The following AIG1 variants were observed in gnomAD, a reference collection of about 807,000 sequenced individuals.
AIG1 encodes the protein androgen induced 1.
A neutral mutation model predicts 31.4 loss-of-function variants in AIG1; 23 were observed. The observed-to-expected ratio is 0.73, with a 90% CI of 0.53 to 1.04. The LOEUF (loss-of-function observed/expected upper bound fraction) is 1.04, where lower values mean the gene tolerates loss of function less well. Among genes scored for constraint, AIG1 ranks in the 50% least tolerant of loss-of-function variants. AIG1 has a pLI of 0.00. For synonymous variants in AIG1, 100 were observed against 110.5 expected (o/e 0.90, Z 0.60); for missense variants, 274 against 295.0 (o/e 0.93, Z 0.52).
At chr6:143,156,585 T>G (rs1785783639) in intron 2 of AIG1, among the ~76,000 whole-genome samples, 1 of 152,244 alleles carries the variant, frequency 6.6e-6, no homozygotes, top group Non-Finnish European at 1.5e-5. Flanking sequence ...TCTGTTGCAC[T>G]TCTACGTGAA....
At chr6:143,281,698 A>G (rs181507607) in intron 3 of AIG1, among the ~76,000 whole-genome samples, 194 of 152,308 alleles carry the variant, frequency 1.3e-3, no homozygotes, top group Non-Finnish European at 2.1e-3. Context: ...TATGTTTGTT[A>G]ATACGTACTA....
intron 2 of AIG1, among the ~76,000 whole-genome samples, chr6:143,153,349 T>A (rs151237217): frequency 1.4e-3 from 212 of 146,580 alleles, no homozygotes; most frequent in Non-Finnish European, 2.4e-3. Context: ...TTATTAATGC[T>A]TTTTATTTTT....
intron 4 of AIG1, among the ~76,000 whole-genome samples, chr6:143,319,115 C>T (rs1334651328): frequency 6.6e-6 from 1 of 152,058 alleles, no homozygotes; most frequent in Non-Finnish European, 1.5e-5. Context: ...TCCAGCAGTC[C>T]CACTACTGGG....
chr6:143,156,478 A>G (rs1785773025), intron 2 of AIG1, among the ~76,000 whole-genome samples: 1 of 152,240 alleles, frequency 6.6e-6, no homozygotes, highest in Non-Finnish European at 1.5e-5. Context: ...GGCAATAAAG[A>G]TCTTTGCAGG....
At chr6:143,312,163 C>A (rs1020281826) in intron 4 of AIG1, among the ~76,000 whole-genome samples, 7 of 151,794 alleles carry the variant, frequency 4.6e-5, no homozygotes, top group African/African-American at 1.7e-4. Flanking sequence ...CAATTCAATC[C>A]CTATCAAAAT....
chr6:143,189,165 C>A (rs1243749669), intron 3 of AIG1: 1 of 500,718 alleles, frequency 2.0e-6, no homozygotes, highest in Admixed American at 6.4e-5. Context: ...TGCCTCAGCC[C>A]CCCAAGTAGC....
chr6:143,236,377 G>A (rs959391152), intron 3 of AIG1, among the ~76,000 whole-genome samples: 1 of 152,232 alleles, frequency 6.6e-6, no homozygotes, highest in African/African-American at 2.4e-5. Flanking sequence ...TCGTTGTTCT[G>A]GAGTCAGGAG....
intron 2 of AIG1, among the ~76,000 whole-genome samples, chr6:143,149,345 T>C (rs1180305693): frequency 6.6e-6 from 1 of 151,674 alleles, no homozygotes; most frequent in African/African-American, 2.4e-5. Context: ...GCTAACATGG[T>C]GAAACCCCGT....
At chr6:143,310,123 A>T (rs1775144761) in intron 4 of AIG1, among the ~76,000 whole-genome samples, 1 of 151,968 alleles carries the variant, frequency 6.6e-6, no homozygotes, top group South Asian at 2.1e-4. Context: ...AGTTGACCTG[A>T]ACAACCATCA....
intron 1 of AIG1, among the ~76,000 whole-genome samples, chr6:143,068,737 G>T (rs544822720): frequency 1.3e-5 from 2 of 151,100 alleles, no homozygotes; most frequent in Non-Finnish European, 2.9e-5. Flanking sequence ...TAGTGCTTCA[G>T]GATGGTATTT....
intron 1 of AIG1, among the ~76,000 whole-genome samples, chr6:143,114,524 C>T (rs781764733): frequency 6.6e-6 from 1 of 152,132 alleles, no homozygotes; most frequent in Non-Finnish European, 1.5e-5. Context: ...AGAATATGAA[C>T]AATATGAGGG....
intron 3 of AIG1, among the ~76,000 whole-genome samples, chr6:143,246,013 TAAA>T (rs777372563): frequency 2.1e-4 from 32 of 151,994 alleles, no homozygotes; most frequent in Non-Finnish European, 4.1e-4. Context: ...CTGTTGAGCT[TAAA>T]AAAAAGTTGC....
intron 3 of AIG1, chr6:143,189,180 A>T: frequency 4.5e-6 from 2 of 440,530 alleles, no homozygotes; most frequent in Non-Finnish European, 6.0e-6. Flanking sequence ...AGTAGCTGGG[A>T]CCACAGATGT....
rs74644819 is a variant in AIG1 at position 143,311,565 on chromosome 6, C to T, written c.516-21717C>T. Among the ~76,000 whole-genome samples, 1,172 of 151,720 alleles carry T rather than the reference C, an allele frequency of 7.7e-3. 36 individuals are homozygous for T. Among genetic ancestry groups the T allele is most frequent in the Admixed American group, 0.047 (721 of 15,230 alleles). ...ATAAGCTAAAGAAGAATCATATGAT[C>T]GTATTAAAAGATGCACAAGAAGAAT... On this transcript the variant is annotated intron_variant, in intron 4 of 5. Transcript: ENST00000357847.
chr6:143,218,727 G>C (rs1792230179), intron 3 of AIG1, among the ~76,000 whole-genome samples: 1 of 152,044 alleles, frequency 6.6e-6, no homozygotes, highest in Non-Finnish European at 1.5e-5. Flanking sequence ...TTGGCAAAAA[G>C]GTAAAAATGA....
intron 3 of AIG1, chr6:143,189,635 T>G: frequency 1.0e-6 from 1 of 985,426 alleles, no homozygotes; most frequent in South Asian, 4.7e-5. Flanking sequence ...TTTTTTGATG[T>G]GTCTTAAAGT....
intron 3 of AIG1, among the ~76,000 whole-genome samples, chr6:143,273,137 A>G (rs1796655051): frequency 6.6e-6 from 1 of 152,232 alleles, no homozygotes; most frequent in Non-Finnish European, 1.5e-5. Flanking sequence ...TCAAAAAAAA[A>G]TATTGTGGGA....
At position 143,339,922 on chromosome 6, in the gene AIG1, C is replaced by T. The variant is rs1777786381; in HGVS notation, c.*246C>T. 2.9e-6 allele frequency: 1 copy of T among 342,378 alleles called. No individual in the cohort carries two copies. Among genetic ancestry groups the T allele is most frequent in the Non-Finnish European group, 5.2e-6 (1 of 192,728 alleles). 21.2% of individuals were successfully genotyped at this position (342,378 alleles called of 1,614,324 possible). A position where few individuals can be genotyped will look rare whatever the true frequency, so the allele number is the denominator to read the frequency against. ...GTCATTACTGATAATAACATTTTTT[C>T]CTTTTCTAGTTTTAAAACCAGAATT... On this transcript the variant is annotated 3_prime_UTR_variant, in exon 6 of 6. Transcript: ENST00000357847.
intron 1 of AIG1, among the ~76,000 whole-genome samples, chr6:143,115,561 G>A (rs1390037314): frequency 6.6e-6 from 1 of 152,196 alleles, no homozygotes; most frequent in African/African-American, 2.4e-5. Context: ...TATATTGACT[G>A]ATACAGGATT....
Sources: gnomAD v4.1 joint callset for allele counts (sites outside exome capture counted in the v4.1 genomes callset) on GRCh38, gnomAD v4.1.1 for gene constraint, MANE v1.5 for transcripts, NCBI Gene and HGNC (gene_info 2026-07-23, HGNC 2026-07-21) for gene names.